Variants in ANK2 observed in about 807,000 individuals in gnomAD.
ANK2 encodes ankyrin-2.
In ANK2, 83 loss-of-function variants were observed where a neutral mutation model predicts 360.5. That is an observed-to-expected ratio of 0.23 (90% CI 0.19 to 0.28). ANK2 has a LOEUF of 0.28. Among genes scored for constraint, ANK2 ranks in the 10% least tolerant of loss-of-function variants. ANK2 has a pLI of 1.00. For synonymous variants in ANK2, 1,740 were observed against 1,759.5 expected (o/e 0.99, Z 0.28); for missense variants, 4,201 against 4,795.7 (o/e 0.88, Z 3.66).
intron 42 of ANK2, 40 bp downstream of exon 42, chr4:113,367,891 G>C (rs1352994637): frequency 6.2e-7 from 1 of 1,611,238 alleles, no homozygotes. Flanking sequence ...TAATACCAAA[G>C]AAACAGGCTA....
intron 10 of ANK2, among the ~76,000 whole-genome samples, chr4:113,250,772 A>G: frequency 1.2e-5 from 1 of 83,234 alleles, no homozygotes; most frequent in Non-Finnish European, 2.7e-5. Flanking sequence ...CCCCCGACAG[A>G]GTTGGTATCA....
chr4:113,055,424 A>G (rs1052189765), intron 1 of ANK2, among the ~76,000 whole-genome samples: 8 of 152,146 alleles, frequency 5.3e-5, no homozygotes, highest in African/African-American at 1.9e-4. Context: ...AGATAGATAA[A>G]TAAATAAATG....
At chr4:113,349,874 CT>C (rs2095286195) in intron 36 of ANK2, among the ~76,000 whole-genome samples, 1 of 152,016 alleles carries the variant, frequency 6.6e-6, no homozygotes, top group African/African-American at 2.4e-5. Context: ...TCATCCTTTC[CT>C]TTTTCTCCAC....
chr4:113,101,616 G>GT lies in ANK2; in HGVS notation c.84+51810dup, dbSNP rs1226182585. Among the ~76,000 whole-genome samples the GT allele has an allele frequency of 1.1e-4, 16 of 151,992 alleles. 1 individual carries two copies. The highest frequency in any genetic ancestry group is 1.1e-3 in the Admixed American group (16 of 15,230). ...GAGCTCATATAACACGTCAGTTAAT[G>GT]TTTTTTGGCACCAGGAACTTGTCTT... On this transcript the variant is annotated intron_variant, in intron 1 of 45. Transcript: ENST00000357077.
chr4:112,734,531 A>G, the ANK2 span, among the ~76,000 whole-genome samples: 2 of 152,336 alleles, frequency 1.3e-5, no homozygotes, highest in African/African-American at 2.4e-5. Context: ...TATAAAATCA[A>G]TGAAAGGCAA....
intron 5 of ANK2, among the ~76,000 whole-genome samples, chr4:113,233,106 GTTTTTTTTTTTTTTTTTTTTTTTTTTTTT>G (rs1156385030): frequency 8.8e-5 from 7 of 79,708 alleles, no homozygotes; most frequent in African/African-American, 1.4e-4. Context: ...TGGCTTTTCT[GTTTTTTTTTTTTTTTTTTTTTTTTTTTTT>G]TTTTTTTTTT....
At chr4:113,020,756 G>T (rs773887443) in intron 2 of ANK2, among the ~76,000 whole-genome samples, 1 of 151,152 alleles carries the variant, frequency 6.6e-6, no homozygotes, top group Non-Finnish European at 1.5e-5. Context: ...AACCCAGGAG[G>T]TGGAGGTTGT....
At chr4:113,278,736 CTTTT>C (rs1478576598) in intron 17 of ANK2, among the ~76,000 whole-genome samples, 178 bp downstream of exon 17, 4 of 151,858 alleles carry the variant, frequency 2.6e-5, no homozygotes, top group Non-Finnish European at 2.9e-5. Flanking sequence ...TCTTGAAAAT[CTTTT>C]TTAAGATTTT....
chr4:112,865,269 A>G (rs1315949310), intron 1 of ANK2, among the ~76,000 whole-genome samples: 1 of 152,134 alleles, frequency 6.6e-6, no homozygotes, highest in Non-Finnish European at 1.5e-5. Flanking sequence ...TAAAAACTGC[A>G]GTAAAGAAAT....
At chr4:112,839,487 T>C (rs1450179531) in intron 1 of ANK2, among the ~76,000 whole-genome samples, 3 of 152,218 alleles carry the variant, frequency 2.0e-5, no homozygotes, top group Admixed American at 2.0e-4. Flanking sequence ...GAATATGTGC[T>C]GAGTCTTTAA....
chr4:112,943,492 C>G (rs988563968), intron 2 of ANK2, among the ~76,000 whole-genome samples: 6 of 151,948 alleles, frequency 3.9e-5, no homozygotes, highest in African/African-American at 1.4e-4. Flanking sequence ...TGTTAATTTT[C>G]TCTGTGGCTG....
chr4:113,151,030 G>A (rs2097056874), intron 1 of ANK2: 4 of 1,246,860 alleles, frequency 3.2e-6, no homozygotes, highest in South Asian at 1.3e-5. Flanking sequence ...TTAATGACTA[G>A]GAAATCACCC....
intron 35 of ANK2, 86 bp from the exon 36 acceptor site, chr4:113,348,190 T>C: frequency 7.3e-7 from 1 of 1,362,168 alleles, no homozygotes; most frequent in Non-Finnish European, 1.0e-6. Context: ...GAAAGGGTAT[T>C]TATTTACTCT....
At chr4:113,191,584 A>T (rs2098665271) in intron 2 of ANK2, among the ~76,000 whole-genome samples, 1 of 152,214 alleles carries the variant, frequency 6.6e-6, no homozygotes, top group African/African-American at 2.4e-5. Flanking sequence ...TCATCTCATC[A>T]CATTTAGCCA....
upstream of ANK2, among the ~76,000 whole-genome samples, chr4:112,817,600 A>G (rs2055780635): frequency 6.6e-6 from 1 of 152,046 alleles, no homozygotes; most frequent in African/African-American, 2.4e-5. Flanking sequence ...TAAAACACAC[A>G]CACACACCAC....
intron 5 of ANK2, among the ~76,000 whole-genome samples, chr4:113,233,273 T>G (rs997660002): frequency 6.7e-6 from 1 of 149,090 alleles, no homozygotes; most frequent in African/African-American, 2.5e-5. Context: ...TAGCTGGGAC[T>G]ACAGGCGCCC....
chr4:113,089,692 G>T (rs1581236258), intron 1 of ANK2, among the ~76,000 whole-genome samples: 4 of 152,204 alleles, frequency 2.6e-5, no homozygotes, highest in Admixed American at 2.6e-4. Context: ...GGATGTGTTG[G>T]TGCATGCCAC....
At chr4:112,872,378 CCCAGGCTG>C (rs1287128287) in intron 1 of ANK2, among the ~76,000 whole-genome samples, 1 of 151,438 alleles carries the variant, frequency 6.6e-6, no homozygotes, top group African/African-American at 2.4e-5. Context: ...GCTCTTGTTG[CCCAGGCTG>C]GAGTGCAATG....
chr4:113,191,286 G>A lies in ANK2; in HGVS notation c.187-5082G>A, dbSNP rs145852202. On this transcript the variant is annotated intron_variant, in intron 2 of 45. Coordinates refer to ENST00000357077, the MANE Select transcript of ANK2 (RefSeq NM_001148.6). ...TGAACCTGGGAGGCGGAGGTTGCACGATGAGTTGAGATTGCACCACTGCAT... is the reference window on the plus strand; with the variant it reads ...TGAACCTGGGAGGCGGAGGTTGCACAATGAGTTGAGATTGCACCACTGCAT... Among the ~76,000 whole-genome samples the A allele has an allele frequency of 7.1e-3, 1,074 of 152,204 alleles. 9 individuals carry two copies. Among genetic ancestry groups the A allele is most frequent in the African/African-American group, 0.025 (1,039 of 41,546 alleles).
Sources: allele counts gnomAD v4.1 joint callset (sites outside exome capture counted in the v4.1 genomes callset), GRCh38; gene constraint gnomAD v4.1.1; transcripts MANE v1.5; gene names NCBI Gene and HGNC (gene_info 2026-07-23, HGNC 2026-07-21).